The following UPF2 variants were observed in gnomAD, a reference collection of about 807,000 sequenced individuals.
The protein encoded by UPF2 is regulator of nonsense transcripts 2.
UPF2 carries 17 observed loss-of-function variants against 141.4 expected under a neutral mutation model. That is an observed-to-expected ratio of 0.12 (90% CI 0.08 to 0.18). The LOEUF is 0.18. Ranked by LOEUF, UPF2 falls within the 10% of genes least tolerant of loss-of-function variation. The pLI, the probability that UPF2 is intolerant of heterozygous loss-of-function variation, is 1.00. For synonymous variants in UPF2, 540 were observed against 498.0 expected, an observed-to-expected ratio of 1.08 and a Z score of -1.12; for missense variants, 1,152 against 1,515.9, an observed-to-expected ratio of 0.76 and a Z score of 3.99.
At chr10:12,029,937 G>A (rs146520553) in intron 2 of UPF2, among the ~76,000 whole-genome samples, 1,987 of 142,502 alleles carry the variant, frequency 0.014, 32 homozygotes, top group Non-Finnish European at 0.019. Flanking sequence ...TAGTCTGGGC[G>A]ACAGAGCAAG....
chr10:12,008,750 T>A (rs1044083214), intron 4 of UPF2, among the ~76,000 whole-genome samples: 2 of 151,856 alleles, frequency 1.3e-5, no homozygotes, highest in Non-Finnish European at 2.9e-5. Flanking sequence ...TAGGTATACA[T>A]GTTCCATGGT....
chr10:11,951,165 C>T (rs1316062854), intron 15 of UPF2, among the ~76,000 whole-genome samples: 4 of 152,122 alleles, frequency 2.6e-5, no homozygotes, highest in Admixed American at 6.5e-5. Flanking sequence ...CGGGTTCAAG[C>T]GATTCTCCTG....
intron 8 of UPF2, among the ~76,000 whole-genome samples, chr10:11,982,249 A>T (rs530479554): frequency 6.6e-5 from 10 of 152,320 alleles, no homozygotes; most frequent in Admixed American, 3.3e-4. Flanking sequence ...TTTTGCTGCC[A>T]TTGCCACAAT....
chr10:11,996,786 A>G (rs1357473046), intron 8 of UPF2, among the ~76,000 whole-genome samples: 1 of 152,220 alleles, frequency 6.6e-6, no homozygotes, highest in Non-Finnish European at 1.5e-5. Flanking sequence ...GAGATTAAAA[A>G]ACTAATATGA....
rs1179046543 is a variant in UPF2 at position 11,920,547 on chromosome 10, T to C, written c.*751A>G. The C allele has an allele frequency of 6.4e-6, 1 of 156,776 alleles. No homozygotes were observed. Among genetic ancestry groups the C allele is most frequent in the Non-Finnish European group, 1.4e-5 (1 of 70,638 alleles). The allele number at this position is 156,776 out of a possible 1,614,324, so 9.7% of individuals were successfully genotyped here. A position where few individuals can be genotyped will look rare whatever the true frequency, so the allele number is the denominator to read the frequency against. On this transcript the variant is annotated 3_prime_UTR_variant, in exon 22 of 22. Coordinates refer to ENST00000357604, the MANE Select transcript of UPF2 (RefSeq NM_015542.4). The stretch of plus-strand genomic sequence containing the variant: ...CTTACAATGGGCTCACCTAGATCCC[T>C]GTTCTTGGGCTGGTATCACTTTTCT...
intron 18 of UPF2, among the ~76,000 whole-genome samples, chr10:11,938,857 T>TTTTG (rs1832892224): frequency 2.9e-5 from 2 of 68,278 alleles, no homozygotes; most frequent in South Asian, 9.8e-4. Context: ...TTTTTTGTTT[T>TTTTG]TTTTTTTTTT....
Position 12,016,434 on chromosome 10 carries a change from G to A in UPF2, c.1146-2250C>T, listed in dbSNP as rs1455292854. ...ACTTAGGCTGGGCGCGGTGGCTCAC[G>A]CCTGTAATCCCAGAACTTTGGAAGG... On this transcript the variant is annotated intron_variant, in intron 3 of 21. Transcript: ENST00000357604. The surrounding 1 kb of genome is among the most constrained non-coding windows in gnomAD (Gnocchi z 4.1). Among the ~76,000 whole-genome samples the A allele has an allele frequency of 3.9e-5, 6 of 152,084 alleles. No individual in the cohort carries two copies. Among genetic ancestry groups the A allele is most frequent in the East Asian group, 1.9e-4 (1 of 5,166 alleles).
chr10:11,953,498 T>C lies in UPF2; in HGVS notation c.2851-1249A>G, dbSNP rs747642436. Among the ~76,000 whole-genome samples the C allele has an allele frequency of 1.3e-5, 2 of 152,220 alleles. No homozygotes were observed. Among genetic ancestry groups the C allele is most frequent in the African/African-American group, 2.4e-5 (1 of 41,460 alleles). ...CACTTCTGACTCCAATTCCTAGGTA[T>C]GGCTCTGTTACACATTTTTGTCTGT... On this transcript the variant is annotated intron_variant, in intron 14 of 21. Transcript: ENST00000357604. This position sits in a 1 kb window ranked among gnomAD's most constrained non-coding sequence, Gnocchi z 5.0.
In UPF2 at chr10:11,931,823, C is replaced by T; in HGVS notation, c.3547-41G>A. ...AAAGGAGTTACAAATAGTTTGAGAA[C>T]ACTGAGAGAAAGAAAAAACAGACTT... On this transcript the variant is annotated intron_variant, in intron 19 of 21. Coordinates refer to ENST00000357604, the MANE Select transcript of UPF2 (RefSeq NM_015542.4). The surrounding 1 kb of genome is among the most constrained non-coding windows in gnomAD (Gnocchi z 5.9). 1 of 1,567,022 alleles carries T rather than the reference C, an allele frequency of 6.4e-7. No individual in the cohort carries two copies. The highest frequency in any genetic ancestry group is 1.2e-5 in the South Asian group (1 of 83,156).
At chr10:11,997,138 G>A (rs1833875804) in intron 8 of UPF2, among the ~76,000 whole-genome samples, 1 of 152,110 alleles carries the variant, frequency 6.6e-6, no homozygotes, top group African/African-American at 2.4e-5. Flanking sequence ...TTCTCTAAAA[G>A]CATTATGCAA....
At chr10:11,975,983 G>A (rs1245753588) in intron 9 of UPF2, among the ~76,000 whole-genome samples, 1 of 152,104 alleles carries the variant, frequency 6.6e-6, no homozygotes, top group African/African-American at 2.4e-5. Context: ...TGTTTACTTA[G>A]GACATGTCCT....
rs1833899382 is a variant in UPF2 at position 11,998,484 on chromosome 10, G to A, written c.1759-727C>T. 6.6e-6 allele frequency among the ~76,000 whole-genome samples: 1 copy of A among 152,192 alleles called. No homozygotes were observed. The highest frequency in any genetic ancestry group is 2.4e-5 in the African/African-American group (1 of 41,554). On this transcript the variant is annotated intron_variant, in intron 7 of 21. Transcript: ENST00000357604. This position sits in a 1 kb window ranked among gnomAD's most constrained non-coding sequence, Gnocchi z 4.5. ...TGCAGCCTTGCTCTGCCAGGCTCCA[G>A]GGATCCTCCTGCCTCAGCTCCCGGC...
intron 3 of UPF2, among the ~76,000 whole-genome samples, chr10:12,024,300 C>G (rs1167899768): frequency 1.3e-5 from 2 of 151,518 alleles, no homozygotes; most frequent in African/African-American, 4.8e-5. Flanking sequence ...TCTATGTTTA[C>G]AAAAATTCTT....
At chr10:11,929,801 C>A in intron 21 of UPF2, 64 bp downstream of exon 21, 1 of 1,555,132 alleles carries the variant, frequency 6.4e-7, no homozygotes, top group Non-Finnish European at 8.7e-7. Flanking sequence ...TCCAGAATTC[C>A]CTAATTTATT....
chr10:12,004,305 A>G (rs1385560352), intron 5 of UPF2, among the ~76,000 whole-genome samples: 2 of 152,202 alleles, frequency 1.3e-5, no homozygotes, highest in African/African-American at 4.8e-5. Context: ...ACACTTTCCA[A>G]TTAATTCACA....
Position 11,992,810 on chromosome 10 carries a change from C to A in UPF2, c.1844+4862G>T, listed in dbSNP as rs544618417. 6.5e-4 allele frequency among the ~76,000 whole-genome samples: 99 copies of A among 152,158 alleles called. 1 individual carries two copies. Among genetic ancestry groups the A allele is most frequent in the African/African-American group, 2.2e-3 (93 of 41,530 alleles). On this transcript the variant is annotated intron_variant, in intron 8 of 21. Coordinates refer to ENST00000357604, the MANE Select transcript of UPF2 (RefSeq NM_015542.4). This position sits in a 1 kb window ranked among gnomAD's most constrained non-coding sequence, Gnocchi z 4.1. ...AAGATGGAATATAAAATAAAGGGCACAGGTATACCAAATAAAAGGCACATG... is the reference window on the plus strand; with the variant it reads ...AAGATGGAATATAAAATAAAGGGCAAAGGTATACCAAATAAAAGGCACATG...
At chr10:12,028,596 G>C in intron 3 of UPF2, 149 bp downstream of exon 3, 1 of 756,486 alleles carries the variant, frequency 1.3e-6, no homozygotes, top group Non-Finnish European at 2.0e-6. Flanking sequence ...TACTCAGACT[G>C]TTCTACTTTG....
intron 2 of UPF2, among the ~76,000 whole-genome samples, chr10:12,031,964 C>T (rs1053044356): frequency 1.3e-5 from 2 of 152,144 alleles, no homozygotes; most frequent in African/African-American, 4.8e-5. Context: ...CAGCAACACA[C>T]AAATACAAAA....
intron 4 of UPF2, among the ~76,000 whole-genome samples, chr10:12,010,704 G>C (rs984893191): frequency 2.0e-5 from 3 of 152,076 alleles, no homozygotes; most frequent in Non-Finnish European, 4.4e-5. Context: ...CTAATTTGAT[G>C]ATAACTATAC....
Sources: allele counts gnomAD v4.1 joint callset (sites outside exome capture counted in the v4.1 genomes callset), GRCh38; gene constraint gnomAD v4.1.1; non-coding constraint Gnocchi (gnomAD v3.1); transcripts MANE v1.5; gene names NCBI Gene and HGNC (gene_info 2026-07-23, HGNC 2026-07-21).